Variants in PSG11 observed in about 807,000 individuals in gnomAD.
PSG11 encodes pregnancy-specific beta-1-glycoprotein 11.
PSG11 carries 42 observed loss-of-function variants against 36.0 expected under a neutral mutation model. The ratio of observed to expected loss-of-function variants is 1.17; its 90% CI spans 0.91 to 1.51. The LOEUF (loss-of-function observed/expected upper bound fraction) is 1.51. Among genes scored for constraint, PSG11 ranks in the 40% most tolerant of loss-of-function variants. PSG11 has a pLI of 0.00. For synonymous variants in PSG11, 206 were observed against 153.5 expected, an observed-to-expected ratio of 1.34 and a Z score of -2.53; for missense variants, 558 against 403.5, an observed-to-expected ratio of 1.38 and a Z score of -3.28.
rs899067577 is a variant in PSG11, at chr19:43,007,963, T to C, written c.*120A>G. The C allele has an allele frequency of 5.5e-5, 22 of 400,000 alleles. 1 individual carries two copies. Among genetic ancestry groups the C allele is most frequent in the African/African-American group, 4.6e-4 (22 of 47,914 alleles). The allele number at this position is 400,000 out of a possible 1,614,324, so 24.8% of individuals were successfully genotyped here. On this transcript the variant is annotated 3_prime_UTR_variant, in exon 6 of 6. Coordinates refer to ENST00000320078, the MANE Select transcript of PSG11 (RefSeq NM_002785.3). The stretch of plus-strand genomic sequence containing the variant: ...GCCTGTTCATCAAAATTTTGAAAGT[T>C]CTTAGTCCAGTGGTATGATCTTGAA...
rs369005291 is a variant in PSG11 at position 43,015,166 on chromosome 19, T to G, written c.914A>C (p.Asn305Thr). 1 of 1,611,812 alleles carries G rather than the reference T, an allele frequency of 6.2e-7. No individual in the cohort carries two copies. Among genetic ancestry groups the G allele is most frequent in the Non-Finnish European group, 8.5e-7 (1 of 1,178,834 alleles). Residue 305 changes from asparagine (N) to threonine (T), a missense_variant, in exon 4 of 6, where the codon AAC (asparagine) becomes ACC (threonine). Asn to Thr is a moderately conservative substitution (Grantham distance 65). Coordinates refer to ENST00000320078, the MANE Select transcript of PSG11 (RefSeq NM_002785.3). ...HNGLYACSAR[N>T]SATGEESSTS... ...GGAGCTTTCCTCGCCAGTGGCTGAG[T>G]TACGAGCAGAGCAAGCATAGAGCCC...
chr19:43,013,845 C>T (rs947309859), intron 4 of PSG11, among the ~76,000 whole-genome samples: 1 of 151,398 alleles, frequency 6.6e-6, no homozygotes, highest in Non-Finnish European at 1.5e-5. Context: ...ATTACTCACA[C>T]TAGCCAAAAA....
At position 43,008,000 on chromosome 19, in the gene PSG11, C is replaced by T; in HGVS notation, c.*83G>A. Reference sequence around the variant, plus strand: ...GGTATGATCTTGAAGTTATCAGGAACTTGTATTCAAGAGTCCTTTTCATAG... The same window carrying T: ...GGTATGATCTTGAAGTTATCAGGAATTTGTATTCAAGAGTCCTTTTCATAG... On this transcript the variant is annotated 3_prime_UTR_variant, in exon 6 of 6. Coordinates refer to ENST00000320078, the MANE Select transcript of PSG11 (RefSeq NM_002785.3). 1 of 402,718 alleles carries T rather than the reference C, an allele frequency of 2.5e-6. No individual in the cohort carries two copies. Among genetic ancestry groups the T allele is most frequent in the Non-Finnish European group, 4.6e-6 (1 of 218,106 alleles). 24.9% of individuals were successfully genotyped at this position (402,718 alleles called of 1,614,324 possible). A position where few individuals can be genotyped will look rare whatever the true frequency, so the allele number is the denominator to read the frequency against.
intron 3 of PSG11, chr19:43,015,827 A>G (rs1568487976): frequency 6.2e-7 from 1 of 1,610,230 alleles, no homozygotes; most frequent in Admixed American, 1.7e-5. Context: ...CGTATTTCAC[A>G]TTGATAGGGT....
intron 2 of PSG11, among the ~76,000 whole-genome samples, chr19:43,024,189 A>T (rs1261214358): frequency 2.6e-5 from 4 of 151,528 alleles, no homozygotes; most frequent in South Asian, 2.1e-4. Context: ...CACAGTCCTC[A>T]GACAGCTGGT....
At chr19:43,025,267 G>C (rs1464518818) in intron 1 of PSG11, 3 of 927,954 alleles carry the variant, frequency 3.2e-6, no homozygotes, top group Non-Finnish European at 4.6e-6. Context: ...ACTAGGTCAA[G>C]GTCAGCAGCA....
In PSG11 at chr19:43,026,365, G is replaced by T; in HGVS notation, c.8C>A (p.Pro3His). The T allele has an allele frequency of 6.2e-7, 1 of 1,610,062 alleles. No homozygotes were observed. Among genetic ancestry groups the T allele is most frequent in the Non-Finnish European group, 8.5e-7 (1 of 1,177,982 alleles). MG[P>H]LSAPPCTEHI... ...CTCTGTGCAGGGAGGGGCTGAGAGGGGCCCCATGATCTCTGCTGCGTGCAT... is the reference window on the plus strand; with the variant it reads ...CTCTGTGCAGGGAGGGGCTGAGAGGTGCCCCATGATCTCTGCTGCGTGCAT... Residue 3 changes from proline (P) to histidine (H), a missense_variant, in exon 1 of 6, where the codon CCC becomes CAC. Coordinates refer to ENST00000320078, the MANE Select transcript of PSG11 (RefSeq NM_002785.3).
intron 1 of PSG11, among the ~76,000 whole-genome samples, chr19:43,025,773 G>C (rs1407580288): frequency 6.7e-6 from 1 of 149,894 alleles, no homozygotes; most frequent in African/African-American, 2.5e-5. Context: ...TCAAAATGTG[G>C]TGGCCCCTGA....
rs1363702456 is a variant in PSG11, at chr19:43,019,140, C to T, written c.431-92G>A. On this transcript the variant is annotated intron_variant, in intron 2 of 5. Coordinates refer to ENST00000320078, the MANE Select transcript of PSG11 (RefSeq NM_002785.3). ...ATCAGAATTGGCATTTGCCACCTCT[C>T]AGCCCACCCGAGTCCCTAAAAGCCC... is the stretch of plus-strand genomic sequence containing the variant. The T allele has an allele frequency of 2.5e-5, 38 of 1,549,018 alleles. 2 individuals carry two copies. The South Asian group carries it at 4.8e-4, about 20-fold the overall frequency.
chr19:43,025,337 C>G (rs200094412), intron 1 of PSG11: 8 of 478,890 alleles, frequency 1.7e-5, no homozygotes, highest in African/African-American at 1.4e-4. Flanking sequence ...ATCCTCTTCC[C>G]CAGGGGTCCG....
At chr19:43,024,570 C>G in intron 2 of PSG11, 121 bp downstream of exon 2, 2 of 1,561,498 alleles carry the variant, frequency 1.3e-6, no homozygotes, top group Admixed American at 3.4e-5. Context: ...ATGCCCAAAC[C>G]CCAGCATGGG....
chr19:43,013,123 C>A (rs1357476774), intron 4 of PSG11, among the ~76,000 whole-genome samples: 1 of 151,248 alleles, frequency 6.6e-6, no homozygotes, highest in African/African-American at 2.4e-5. Context: ...CAAAAATTAA[C>A]CCACAATAAA....
At chr19:43,023,047 C>G (rs1388825141) in intron 2 of PSG11, among the ~76,000 whole-genome samples, 1 of 150,842 alleles carries the variant, frequency 6.6e-6, no homozygotes, top group African/African-American at 2.5e-5. Flanking sequence ...GTGAGGGAGA[C>G]ACTGACTTCA....
Position 43,008,927 on chromosome 19 carries a change from G to A in PSG11, c.*41-885C>T, listed in dbSNP as rs372229799. Among the ~76,000 whole-genome samples, 4 of 151,226 alleles carry A rather than the reference G, an allele frequency of 2.6e-5. 1 individual carries two copies. The highest frequency in any genetic ancestry group is 2.4e-5 in the African/African-American group (1 of 41,034). Reference sequence around the variant, plus strand: ...AGACTTAAAAATTACCAATGCCTGGGTCCGTCTCCAGACCTTTAAACTGGA... The same window carrying A: ...AGACTTAAAAATTACCAATGCCTGGATCCGTCTCCAGACCTTTAAACTGGA... On this transcript the variant is annotated intron_variant, in intron 5 of 5. Transcript: ENST00000320078.
intron 3 of PSG11, among the ~76,000 whole-genome samples, chr19:43,016,286 G>T (rs548501157): frequency 9.2e-5 from 14 of 151,398 alleles, no homozygotes; most frequent in African/African-American, 2.7e-4. Context: ...AGCAGTGTTG[G>T]GTCATGGACA....
Position 43,010,033 on chromosome 19 carries a change from C to T in PSG11, c.973G>A (p.Gly325Arg). The change falls in exon 5 of 6, where the codon GGA becomes AGA. Residue 325 changes from glycine (G) to arginine (R), a missense_variant. Gly to Arg is a moderately radical substitution (Grantham distance 125). Coordinates refer to ENST00000320078, the MANE Select transcript of PSG11 (RefSeq NM_002785.3). ...SLTIRVIAPP[G>R]LGTFAFNNPT ...TTATTGAAAGCAAAAGTTCCTAATC[C>T]TGGAGGAGCTGTCATGGAAAGAAAA... 1 of 1,609,374 alleles carries T rather than the reference C, an allele frequency of 6.2e-7. No homozygotes were observed.
In PSG11 at chr19:43,010,046, C is replaced by G; in HGVS notation, c.965-5G>C. ...AAGTTCCTAATCCTGGAGGAGCTGT[C>G]ATGGAAAGAAAAGAAAAGAAGGAAT... On this transcript the variant is annotated splice_polypyrimidine_tract_variant and splice_region_variant and intron_variant, in intron 4 of 5. Transcript: ENST00000320078. 1 of 1,608,362 alleles carries G rather than the reference C, an allele frequency of 6.2e-7. No individual in the cohort carries two copies. The highest frequency in any genetic ancestry group is 2.2e-5 in the East Asian group (1 of 44,724).
At chr19:43,015,818 G>T (rs757573878) in intron 3 of PSG11, 5 of 1,609,610 alleles carry the variant, frequency 3.1e-6, no homozygotes, top group East Asian at 2.2e-5. Context: ...TATCGGTCCC[G>T]TATTTCACAT....
intron 4 of PSG11, chr19:43,014,669 T>G (rs1272747921): frequency 8.7e-6 from 10 of 1,151,556 alleles, no homozygotes; most frequent in Non-Finnish European, 2.2e-6. Flanking sequence ...TGCTCCTCCC[T>G]CACCCAAGGG....
Sources: gnomAD v4.1 joint callset for allele counts (sites outside exome capture counted in the v4.1 genomes callset) on GRCh38, gnomAD v4.1.1 for gene constraint, MANE v1.5 for transcripts, NCBI Gene and HGNC (gene_info 2026-07-23, HGNC 2026-07-21) for gene names.